Variants in PSD3 observed in about 807,000 individuals in gnomAD.
PSD3 encodes the protein PH and SEC7 domain-containing protein 3.
In PSD3, 49 loss-of-function variants were observed where a neutral mutation model predicts 105.5. The ratio of observed to expected loss-of-function variants is 0.46; its 90% confidence interval spans 0.37 to 0.59. The LOEUF (loss-of-function observed/expected upper bound fraction) is 0.59, where lower values mean the gene tolerates loss of function less well. Among genes scored for constraint, PSD3 ranks in the 20% least tolerant of loss-of-function variants. PSD3 has a pLI of 0.00. For synonymous variants in PSD3, 557 were observed against 457.8 expected (o/e 1.22, Z -2.77); for missense variants, 1,561 against 1,263.8 (o/e 1.24, Z -3.57).
chr8:18,935,020 T>A (rs1207698552), intron 2 of PSD3, among the ~76,000 whole-genome samples: 1 of 152,196 alleles, frequency 6.6e-6, no homozygotes, highest in Non-Finnish European at 1.5e-5. Context: ...CTCTGCTGTG[T>A]GAGTGATTGT....
At chr8:18,921,160 A>C (rs1057319946) in intron 2 of PSD3, among the ~76,000 whole-genome samples, 5 of 152,198 alleles carry the variant, frequency 3.3e-5, no homozygotes, top group Non-Finnish European at 5.9e-5. Context: ...ACATATTTCA[A>C]TTTCAGAATT....
At chr8:18,559,692 CT>C (rs1801279259) in intron 14 of PSD3, among the ~76,000 whole-genome samples, 1 of 152,038 alleles carries the variant, frequency 6.6e-6, no homozygotes, top group Non-Finnish European at 1.5e-5. Flanking sequence ...CTTCTAAAAG[CT>C]TTAGATTTAG....
chr8:18,804,287 C>G (rs1394091874), intron 6 of PSD3: 1 of 388,880 alleles, frequency 2.6e-6, no homozygotes, highest in African/African-American at 2.1e-5. Flanking sequence ...TAAAGCATTT[C>G]AGATTTTCAG....
chr8:18,873,749 C>A (rs1412231701), intron 2 of PSD3, among the ~76,000 whole-genome samples: 2 of 152,180 alleles, frequency 1.3e-5, no homozygotes, highest in Admixed American at 1.3e-4. Flanking sequence ...CCACCAGTCC[C>A]TGGTAACCAT....
At chr8:18,918,525 T>C (rs1263450327) in intron 2 of PSD3, among the ~76,000 whole-genome samples, 6 of 152,212 alleles carry the variant, frequency 3.9e-5, no homozygotes, top group African/African-American at 1.2e-4. Context: ...ACTACAGGTA[T>C]TCACTGAATG....
chr8:18,845,103 G>C (rs1814978887), intron 4 of PSD3, among the ~76,000 whole-genome samples: 1 of 152,004 alleles, frequency 6.6e-6, no homozygotes, highest in Non-Finnish European at 1.5e-5. Context: ...AAAAACATGA[G>C]GTAAAAATAT....
At chr8:18,803,330 C>G (rs1297251902) in intron 6 of PSD3, 3 of 129,416 alleles carry the variant, frequency 2.3e-5, no homozygotes, top group African/African-American at 3.0e-5. Flanking sequence ...CTATAGTAAG[C>G]AAATATAATA....
intron 9 of PSD3, among the ~76,000 whole-genome samples, chr8:18,705,676 C>G (rs572066725): frequency 6.6e-6 from 1 of 151,306 alleles, no homozygotes; most frequent in Non-Finnish European, 1.5e-5. Flanking sequence ...AAAAAGAAGA[C>G]CACACTTAAA....
At chr8:19,018,689 G>C (rs1271081573), upstream of PSD3, among the ~76,000 whole-genome samples, 1 of 152,230 alleles carries the variant, frequency 6.6e-6, no homozygotes, top group African/African-American at 2.4e-5. Flanking sequence ...GGGCATTAAA[G>C]ATAGAGGTGT....
chr8:18,655,822 G>A, intron 9 of PSD3, 137 bp from the exon 10 acceptor site: 6 of 740,378 alleles, frequency 8.1e-6, no homozygotes, highest in South Asian at 1.7e-5. Context: ...TTTTAGAAAG[G>A]TGAAGAATAC....
intron 4 of PSD3, among the ~76,000 whole-genome samples, chr8:18,807,786 T>G (rs1217364375): frequency 1.3e-5 from 2 of 152,180 alleles, no homozygotes; most frequent in Non-Finnish European, 2.9e-5. Context: ...GCATGATTTT[T>G]TCATCCTACA....
At chr8:18,769,079 C>G (rs1807269173) in intron 8 of PSD3, among the ~76,000 whole-genome samples, 1 of 149,708 alleles carries the variant, frequency 6.7e-6, no homozygotes, top group South Asian at 2.2e-4. Flanking sequence ...TGTATCAGGT[C>G]AAACAAGGTG....
chr8:18,852,910 T>A (rs542992670), intron 4 of PSD3, among the ~76,000 whole-genome samples: 1 of 152,292 alleles, frequency 6.6e-6, no homozygotes, highest in South Asian at 2.1e-4. Flanking sequence ...CACTAGTTAA[T>A]CCTCACAGCC....
chr8:18,669,787 C>T (rs2046669), intron 9 of PSD3, among the ~76,000 whole-genome samples: 150,859 of 152,354 alleles, frequency 0.99, 74,709 homozygotes, highest in East Asian at 1. Context: ...GGGCGAATCC[C>T]GTAATGGTAT....
At chr8:18,845,154 A>G (rs892604884) in intron 4 of PSD3, among the ~76,000 whole-genome samples, 2 of 152,244 alleles carry the variant, frequency 1.3e-5, no homozygotes, top group African/African-American at 4.8e-5. Context: ...AAGTAAAAAG[A>G]ATATTTCATT....
chr8:18,544,967 C>T (rs1323032757), intron 15 of PSD3, among the ~76,000 whole-genome samples: 1 of 152,136 alleles, frequency 6.6e-6, no homozygotes, highest in Non-Finnish European at 1.5e-5. Context: ...AACCAGTTGC[C>T]AAGACCAGGA....
intron 1 of PSD3, among the ~76,000 whole-genome samples, chr8:18,957,286 A>C (rs890226176): frequency 5.9e-5 from 9 of 151,640 alleles, no homozygotes; most frequent in Non-Finnish European, 1.0e-4. Context: ...CAGGAGAATC[A>C]CTTGAACCAG....
intron 4 of PSD3, among the ~76,000 whole-genome samples, chr8:18,831,592 GGC>G: frequency 6.6e-6 from 1 of 152,208 alleles, no homozygotes; most frequent in African/African-American, 2.4e-5. Context: ...AGTGGTGGCG[GGC>G]GCCTATAGTC....
chr8:19,066,644 A>G (rs1829084233), intron 1 of PSD3, among the ~76,000 whole-genome samples: 1 of 152,196 alleles, frequency 6.6e-6, no homozygotes, highest in African/African-American at 2.4e-5. Context: ...GTTATCTCCA[A>G]CTAGTTGTGA....
Sources: allele counts gnomAD v4.1 joint callset (sites outside exome capture counted in the v4.1 genomes callset), GRCh38; gene constraint gnomAD v4.1.1; transcripts MANE v1.5; gene names NCBI Gene and HGNC (gene_info 2026-07-23, HGNC 2026-07-21).